SENP7: variants seen among roughly 807,000 people sequenced by gnomAD.
SENP7 encodes sentrin-specific protease 7.
A neutral mutation model predicts 141.2 loss-of-function variants in SENP7; 64 were observed. The ratio of observed to expected loss-of-function variants is 0.45; its 90% CI spans 0.37 to 0.56. The LOEUF (loss-of-function observed/expected upper bound fraction) is 0.56. Ranked by LOEUF, SENP7 falls within the 20% of genes least tolerant of loss-of-function variation. The pLI, the probability that SENP7 is intolerant of heterozygous loss-of-function variation, is 0.00. For synonymous variants in SENP7, 382 were observed against 426.4 expected (o/e 0.90, Z 1.28); for missense variants, 1,025 against 1,212.2 (o/e 0.85, Z 2.29).
chr3:101,446,147 T>G (rs187956287), intron 4 of SENP7, among the ~76,000 whole-genome samples: 1 of 152,314 alleles, frequency 6.6e-6, no homozygotes, highest in Admixed American at 6.5e-5. Flanking sequence ...CCCTTCGTTC[T>G]CTCTTTCTCC....
At chr3:101,414,225 C>T (rs1457123863) in intron 5 of SENP7, 4 of 572,320 alleles carry the variant, frequency 7.0e-6, no homozygotes, top group Non-Finnish European at 1.2e-5. Context: ...GTCACCATAA[C>T]AGCTACAGCA....
rs2058886929 is a variant in SENP7, at chr3:101,325,904, A to T, written c.*39T>A. 4 of 1,522,352 alleles carry T rather than the reference A, an allele frequency of 2.6e-6. No homozygotes were observed. Among genetic ancestry groups the T allele is most frequent in the Non-Finnish European group, 3.5e-6 (4 of 1,135,460 alleles). The allele number at this position is 1,522,352 out of a possible 1,614,324, so 94.3% of individuals were successfully genotyped here. ...AAATGCTGGTAAGAGGCTTTCCAGT[A>T]ATCTTAGAGAACATCTGTGTCATGT... On this transcript the variant is annotated 3_prime_UTR_variant, in exon 24 of 24. Transcript: ENST00000394095.
chr3:101,347,077 C>T (rs1238947664), intron 13 of SENP7, among the ~76,000 whole-genome samples: 3 of 151,684 alleles, frequency 2.0e-5, no homozygotes, highest in Non-Finnish European at 4.4e-5. Flanking sequence ...ATAGAAATTG[C>T]CAGGTATGGT....
intron 1 of SENP7, among the ~76,000 whole-genome samples, 159 bp downstream of exon 1, chr3:101,512,932 G>A (rs1022289493): frequency 6.6e-6 from 1 of 151,996 alleles, no homozygotes; most frequent in Non-Finnish European, 1.5e-5. Flanking sequence ...CTCCAGGGGC[G>A]GGGGCGACCC....
chr3:101,451,145 A>T, intron 4 of SENP7, among the ~76,000 whole-genome samples: 1 of 152,092 alleles, frequency 6.6e-6, no homozygotes, highest in Non-Finnish European at 1.5e-5. Context: ...CAACACATAC[A>T]CCCTCCCAAG....
At chr3:101,508,795 A>C (rs2141179) in intron 1 of SENP7, among the ~76,000 whole-genome samples, 103,566 of 151,954 alleles carry the variant, frequency 0.68, 35,799 homozygotes, top group African/African-American at 0.78. Context: ...TGCTCTTGTA[A>C]TGCTTGGCAC....
At position 101,361,619 on chromosome 3, in the gene SENP7, A is replaced by G. The variant is rs564769865; in HGVS notation, c.1623+96T>C. The G allele has an allele frequency of 4.8e-6, 6 of 1,256,898 alleles. No individual in the cohort carries two copies. The South Asian group carries it at 8.3e-5, about 17-fold the overall frequency. The allele number at this position is 1,256,898 out of a possible 1,614,324, so 77.9% of individuals were successfully genotyped here. A position where few individuals can be genotyped will look rare whatever the true frequency, so the allele number is the denominator to read the frequency against. On this transcript the variant is annotated intron_variant, in intron 11 of 23. Coordinates refer to ENST00000394095, the MANE Select transcript of SENP7 (RefSeq NM_020654.5). ...AGTGTCCCATATAAAATAAATCTTA[A>G]TTCTATTCTTATTTGTGCTAAGAAA... is the stretch of plus-strand genomic sequence containing the variant.
chr3:101,348,825 A>C (rs2059540105), intron 12 of SENP7, among the ~76,000 whole-genome samples: 1 of 152,126 alleles, frequency 6.6e-6, no homozygotes, highest in African/African-American at 2.4e-5. Flanking sequence ...GATTTAAAGA[A>C]GTCCTGAAGG....
chr3:101,380,437 C>A lies in SENP7; in HGVS notation c.678-8311G>T, dbSNP rs927053713. 1.6e-4 allele frequency among the ~76,000 whole-genome samples: 2 copies of A among 12,804 alleles called. 1 individual carries two copies. Among genetic ancestry groups the A allele is most frequent in the African/African-American group, 7.1e-4 (2 of 2,832 alleles). The allele number at this position is 12,804 out of a possible 152,430, so 8.4% of individuals were successfully genotyped here. A position where few individuals can be genotyped will look rare whatever the true frequency, so the allele number is the denominator to read the frequency against. ...TCTAGAACGTAAAGCAAACCACCGC[C>A]CCCCCCCCCACACACACACACAAAA... On this transcript the variant is annotated intron_variant, in intron 6 of 23. Coordinates refer to ENST00000394095, the MANE Select transcript of SENP7 (RefSeq NM_020654.5).
At chr3:101,424,543 G>C (rs2061894505) in intron 4 of SENP7, among the ~76,000 whole-genome samples, 3 of 151,996 alleles carry the variant, frequency 2.0e-5, no homozygotes, top group Admixed American at 2.0e-4. Flanking sequence ...CTGACAGGAA[G>C]TGAAGCCAGA....
chr3:101,340,161 T>C lies in SENP7; in HGVS notation c.2291A>G (p.Asn764Ser). The change falls in exon 16 of 24, where the codon AAT becomes AGT. Residue 764 changes from asparagine to serine, a missense_variant. Coordinates refer to ENST00000394095, the MANE Select transcript of SENP7 (RefSeq NM_020654.5). ...PPTKGGLGVT[N>S]EDLECLEEGE... The stretch of plus-strand genomic sequence containing the variant: ...TTCTTCTAAACACTCCAGATCTTCA[T>C]TAGTTACTCCTAATCCCCCCTTAGT... The C allele has an allele frequency of 6.2e-7, 1 of 1,601,416 alleles. No homozygotes were observed. Among genetic ancestry groups the C allele is most frequent in the African/African-American group, 1.3e-5 (1 of 74,438 alleles).
intron 3 of SENP7, among the ~76,000 whole-genome samples, chr3:101,489,340 G>A (rs917579146): frequency 5.3e-5 from 8 of 151,994 alleles, no homozygotes; most frequent in Non-Finnish European, 1.2e-4. Context: ...ATGGCTAAAC[G>A]TCCCTCTTAA....
chr3:101,385,634 T>C (rs942484486), intron 6 of SENP7, among the ~76,000 whole-genome samples: 1 of 152,142 alleles, frequency 6.6e-6, no homozygotes, highest in African/African-American at 2.4e-5. Flanking sequence ...AGAGCTCAAA[T>C]GAATTGCAGA....
At chr3:101,462,783 G>T (rs968313426) in intron 3 of SENP7, among the ~76,000 whole-genome samples, 6 of 150,420 alleles carry the variant, frequency 4.0e-5, no homozygotes, top group Non-Finnish European at 8.9e-5. Flanking sequence ...CATGAGAATC[G>T]CTGGAACCCA....
chr3:101,450,512 T>C (rs1283229845), intron 4 of SENP7, among the ~76,000 whole-genome samples: 3 of 152,126 alleles, frequency 2.0e-5, no homozygotes, highest in Admixed American at 1.3e-4. Flanking sequence ...TAACAAACTG[T>C]CTCTCAGACC....
At chr3:101,375,372 G>A (rs992063691) in intron 6 of SENP7, among the ~76,000 whole-genome samples, 3 of 151,576 alleles carry the variant, frequency 2.0e-5, no homozygotes, top group Admixed American at 6.6e-5. Flanking sequence ...GAGAAACTCC[G>A]TCTCTACTAC....
chr3:101,485,385 G>A (rs2108059454), intron 3 of SENP7, among the ~76,000 whole-genome samples: 1 of 152,230 alleles, frequency 6.6e-6, no homozygotes, highest in Non-Finnish European at 1.5e-5. Context: ...CACTGGAAAA[G>A]GCATTGGTAT....
At chr3:101,326,197 A>T in intron 23 of SENP7, 117 bp from the exon 24 acceptor site, 1 of 798,232 alleles carries the variant, frequency 1.3e-6, no homozygotes, top group Non-Finnish European at 1.9e-6. Flanking sequence ...CAATTATATT[A>T]AGATATAATT....
intron 11 of SENP7, among the ~76,000 whole-genome samples, chr3:101,361,366 A>G (rs1262622632): frequency 1.3e-5 from 2 of 152,224 alleles, no homozygotes; most frequent in African/African-American, 4.8e-5. Context: ...AAGTCAGTTT[A>G]CAACCGTTTA....
Sources: allele counts gnomAD v4.1 joint callset (sites outside exome capture counted in the v4.1 genomes callset), GRCh38; gene constraint gnomAD v4.1.1; transcripts MANE v1.5; gene names NCBI Gene and HGNC (gene_info 2026-07-23, HGNC 2026-07-21).